FSTL4: variants seen among roughly 807,000 people sequenced by gnomAD.
FSTL4 encodes the protein follistatin like 4, also known as follistatin-related protein 4.
Under a neutral mutation model 78.2 loss-of-function variants are expected in FSTL4, and 28 were observed. The observed-to-expected ratio is 0.36, with a 90% CI of 0.27 to 0.49. The LOEUF is 0.49. Ranked by LOEUF, FSTL4 falls within the 20% of genes least tolerant of loss-of-function variation. The probability of loss-of-function intolerance (pLI) is 0.98; values close to 1 mark genes in which losing one functional copy is unlikely to be tolerated. For missense variants in FSTL4, 922 were observed against 1,084.9 expected, an observed-to-expected ratio of 0.85 and a Z score of 2.11; for synonymous variants, 422 against 440.5, an observed-to-expected ratio of 0.96 and a Z score of 0.53.
Position 133,249,334 on chromosome 5 carries a change from C to T in FSTL4, c.894+76G>A. ...AAACTAAAACTCTCCCGTCCTGCCA[C>T]TGTCTGTGGCATCTTACCCAGTGTA... On this transcript the variant is annotated intron_variant, in intron 7 of 15. Transcript: ENST00000265342. The T allele has an allele frequency of 6.9e-6, 8 of 1,161,872 alleles. 1 individual carries two copies. In the South Asian group the frequency reaches 1.0e-4, roughly 15 times the overall value. The allele number at this position is 1,161,872 out of a possible 1,614,324, so 72.0% of individuals were successfully genotyped here. A position where few individuals can be genotyped will look rare whatever the true frequency, so the allele number is the denominator to read the frequency against.
At chr5:133,625,906 TATATATATATATTCC>T in the FSTL4 span, among the ~76,000 whole-genome samples, 3 of 250 alleles carry the variant, frequency 0.012, 1 homozygote, top group Non-Finnish European at 0.022. Flanking sequence ...ATATATTCCA[TATATATATATATTCC>T]ATATATATAT....
the FSTL4 span, among the ~76,000 whole-genome samples, chr5:133,751,646 G>A: frequency 1.3e-5 from 2 of 152,200 alleles, no homozygotes; most frequent in Admixed American, 1.3e-4. Flanking sequence ...GCAAATTCCG[G>A]TAGCAGATGG....
chr5:133,746,448 T>G, the FSTL4 span, among the ~76,000 whole-genome samples: 1 of 152,160 alleles, frequency 6.6e-6, no homozygotes. Flanking sequence ...AAAATGTACT[T>G]TATATCTGAA....
intron 3 of FSTL4, among the ~76,000 whole-genome samples, chr5:133,480,668 A>G (rs184031908): frequency 1.3e-5 from 2 of 152,002 alleles, no homozygotes; most frequent in Admixed American, 1.3e-4. Flanking sequence ...CTCTGCCTCA[A>G]TGTTTTCCAC....
At chr5:133,418,772 T>C (rs757584606) in intron 3 of FSTL4, among the ~76,000 whole-genome samples, 3 of 152,218 alleles carry the variant, frequency 2.0e-5, no homozygotes, top group Non-Finnish European at 4.4e-5. Flanking sequence ...GACAATTAAC[T>C]ACACCTATAT....
intron 4 of FSTL4, among the ~76,000 whole-genome samples, chr5:133,391,815 C>A (rs1376835918): frequency 1.3e-5 from 2 of 152,214 alleles, no homozygotes; most frequent in Non-Finnish European, 2.9e-5. Context: ...CCAAATGTCA[C>A]TTCTCATATC....
intron 6 of FSTL4, among the ~76,000 whole-genome samples, chr5:133,271,255 T>A (rs530672104): frequency 6.6e-6 from 1 of 152,362 alleles, no homozygotes; most frequent in South Asian, 2.1e-4. Flanking sequence ...CTGGGACTTT[T>A]CAGAAAGCTG....
the FSTL4 span, among the ~76,000 whole-genome samples, chr5:133,761,040 G>A: frequency 1.4e-4 from 22 of 152,296 alleles, no homozygotes; most frequent in East Asian, 5.8e-4. Context: ...ATTGATCACC[G>A]CAGCAAATCA....
At chr5:133,730,462 G>A in the FSTL4 span, among the ~76,000 whole-genome samples, 17 of 152,124 alleles carry the variant, frequency 1.1e-4, no homozygotes, top group African/African-American at 3.9e-4. Flanking sequence ...GCCCTCTGAG[G>A]CCTCGGGTCC....
chr5:133,708,327 G>C, the FSTL4 span, among the ~76,000 whole-genome samples: 1 of 152,118 alleles, frequency 6.6e-6, no homozygotes, highest in Admixed American at 6.5e-5. Flanking sequence ...TCCTGGCAAC[G>C]CCCTTTTCAT....
At chr5:133,787,083 C>T in the FSTL4 span, among the ~76,000 whole-genome samples, 1 of 152,162 alleles carries the variant, frequency 6.6e-6, no homozygotes, top group Non-Finnish European at 1.5e-5. Flanking sequence ...CTTGATGTCC[C>T]AGGAACCTAG....
chr5:133,603,435 C>T (rs187838900), intron 2 of FSTL4, among the ~76,000 whole-genome samples: 4 of 152,334 alleles, frequency 2.6e-5, no homozygotes, highest in South Asian at 2.1e-4. Flanking sequence ...CAGCCTGGTG[C>T]TTTCTATCTA....
intron 6 of FSTL4, among the ~76,000 whole-genome samples, chr5:133,287,419 CT>C (rs1293700415): frequency 6.6e-6 from 1 of 151,466 alleles, no homozygotes; most frequent in Admixed American, 6.6e-5. Context: ...TTGTAGGTGA[CT>C]ATTCTACCGA....
chr5:133,263,471 G>A (rs996266637), intron 6 of FSTL4, among the ~76,000 whole-genome samples: 4 of 152,114 alleles, frequency 2.6e-5, no homozygotes, highest in African/African-American at 9.7e-5. Context: ...AAGGGCCAAG[G>A]AGGGTGTGGC....
At chr5:133,214,598 C>T (rs2126778065) in intron 13 of FSTL4, among the ~76,000 whole-genome samples, 1 of 152,342 alleles carries the variant, frequency 6.6e-6, no homozygotes, top group South Asian at 2.1e-4. Context: ...CTCTTCAAAC[C>T]TCCAGGCTTG....
At chr5:133,820,928 AGCT>A in the FSTL4 span, among the ~76,000 whole-genome samples, 1 of 152,256 alleles carries the variant, frequency 6.6e-6, no homozygotes, top group Non-Finnish European at 1.5e-5. Context: ...CTAATAAATA[AGCT>A]GCTATTTTCA....
At chr5:133,264,844 A>T (rs1466873666) in intron 6 of FSTL4, among the ~76,000 whole-genome samples, 1 of 152,126 alleles carries the variant, frequency 6.6e-6, no homozygotes, top group East Asian at 1.9e-4. Context: ...AAATCTCCAC[A>T]TCTTGACCCA....
At chr5:133,692,914 T>A in the FSTL4 span, among the ~76,000 whole-genome samples, 1 of 152,218 alleles carries the variant, frequency 6.6e-6, no homozygotes, top group Non-Finnish European at 1.5e-5. Context: ...CTGCACTGTG[T>A]ACCTTGCACC....
chr5:133,836,432 C>G, the FSTL4 span, among the ~76,000 whole-genome samples: 1 of 152,156 alleles, frequency 6.6e-6, no homozygotes, highest in Non-Finnish European at 1.5e-5. Context: ...ATTTTAATTT[C>G]ATTTGTCCCA....
Sources: gnomAD v4.1 joint callset for allele counts (sites outside exome capture counted in the v4.1 genomes callset) on GRCh38, gnomAD v4.1.1 for gene constraint, MANE v1.5 for transcripts, NCBI Gene and HGNC (gene_info 2026-07-23, HGNC 2026-07-21) for gene names.